Variants in POP1 observed in about 807,000 individuals in gnomAD.
POP1 encodes the protein POP1 ribonuclease P/MRP subunit.
A neutral mutation model predicts 102.2 loss-of-function variants in POP1; 75 were observed. That is an observed-to-expected ratio of 0.73 (90% CI 0.61 to 0.89). POP1 has a LOEUF of 0.89. Ranked by LOEUF, POP1 falls within the 40% of genes least tolerant of loss-of-function variation. The probability of loss-of-function intolerance (pLI) is 0.00; values close to 1 mark genes in which losing one functional copy is unlikely to be tolerated. For missense variants in POP1, 1,116 were observed against 1,267.4 expected (o/e 0.88, Z 1.81); for synonymous variants, 436 against 464.1 (o/e 0.94, Z 0.78).
At chr8:98,138,319 AC>A (rs56169443) in intron 9 of POP1, among the ~76,000 whole-genome samples, 107,831 of 152,062 alleles carry the variant, frequency 0.71, 38,567 homozygotes, top group African/African-American at 0.8. Flanking sequence ...ATTTCTCCTC[AC>A]CCTTCTACAC....
At position 98,146,622 on chromosome 8, in the gene POP1, A is replaced by G. The variant is rs759407096; in HGVS notation, c.1649A>G (p.His550Arg). 21 of 1,613,996 alleles carry G rather than the reference A, an allele frequency of 1.3e-5. No homozygotes were observed. Among genetic ancestry groups the G allele is most frequent in the Non-Finnish European group, 1.4e-5 (16 of 1,179,980 alleles). ...GAGGGTGTGCCTGTGGAATGTACGC[A>G]TAGCTTTATCTGGAACCAAGATATC... The part of the protein sequence containing the change: ...LLEGVPVECT[H>R]SFIWNQDICK... The change falls in exon 12 of 16, where the codon CAT (histidine) becomes CGT (arginine). Residue 550 changes from histidine to arginine, a missense_variant. Physicochemically the swap from His to Arg is conservative, Grantham distance 29 (BLOSUM62 0). Coordinates refer to ENST00000401707, the MANE Select transcript of POP1 (RefSeq NM_001145860.2).
At chr8:98,151,556 T>A (rs957130953) in intron 14 of POP1, among the ~76,000 whole-genome samples, 3 of 152,222 alleles carry the variant, frequency 2.0e-5, no homozygotes, top group African/African-American at 7.2e-5. Flanking sequence ...CTCTTTATTG[T>A]GGCATTTGCA....
At chr8:98,131,359 C>CT (rs981854823) in intron 5 of POP1, among the ~76,000 whole-genome samples, 4 of 152,182 alleles carry the variant, frequency 2.6e-5, no homozygotes, top group African/African-American at 7.2e-5. Context: ...CAATATTTGT[C>CT]TTTTTGTGAC....
chr8:98,159,325 A>C lies in POP1; in HGVS notation c.*1054A>C, dbSNP rs1335546897. On this transcript the variant is annotated 3_prime_UTR_variant, in exon 16 of 16. Transcript: ENST00000401707. ...CTGCAAGGTGATAACTAAGCCGGCA[A>C]GCTGCCTTTCAACACTCATGCAGTC... 1.3e-5 allele frequency: 2 copies of C among 152,230 alleles called. No homozygotes were observed. Among genetic ancestry groups the C allele is most frequent in the African/African-American group, 4.8e-5 (2 of 41,450 alleles). The allele number at this position is 152,230 out of a possible 1,614,324, so 9.4% of individuals were successfully genotyped here.
In POP1 at chr8:98,127,691, T is replaced by A. The variant is rs369676489; in HGVS notation, c.239T>A (p.Met80Lys). ...EVNEQSSSKG[M>K]FRKKGGWKAG... Reference sequence around the variant, plus strand: ...AATGAGCAGTCTTCCTCCAAAGGGATGTTTAGAAAAAAGGGAGGATGGAAA... The same window carrying A: ...AATGAGCAGTCTTCCTCCAAAGGGAAGTTTAGAAAAAAGGGAGGATGGAAA... The change falls in exon 3 of 16, where the codon ATG becomes AAG. Residue 80 changes from methionine to lysine, a missense_variant. Physicochemically the swap from Met to Lys is moderately conservative, Grantham distance 95. Coordinates refer to ENST00000401707, the MANE Select transcript of POP1 (RefSeq NM_001145860.2). The A allele has an allele frequency of 1.8e-5, 29 of 1,613,924 alleles. No individual in the cohort carries two copies. The highest frequency in any genetic ancestry group is 2.2e-5 in the East Asian group (1 of 44,896).
At chr8:98,128,124 A>G (rs1161873283) in intron 3 of POP1, among the ~76,000 whole-genome samples, 1 of 152,174 alleles carries the variant, frequency 6.6e-6, no homozygotes, top group Non-Finnish European at 1.5e-5. Flanking sequence ...ACCTTTATTT[A>G]AAGGGCCTGT....
At position 98,140,879 on chromosome 8, in the gene POP1, A is replaced by G; in HGVS notation, c.1585A>G (p.Lys529Glu). 1 of 1,614,016 alleles carries G rather than the reference A, an allele frequency of 6.2e-7. No homozygotes were observed. The highest frequency in any genetic ancestry group is 1.6e-4 in the Middle Eastern group (1 of 6,062). Residue 529 changes from lysine (K) to glutamate (E), a missense_variant, in exon 11 of 16, where the codon AAA becomes GAA. Lys to Glu is a moderately conservative substitution (Grantham distance 56). Transcript: ENST00000401707. ...GTCCAAAGCTTTGCCCAATCCAGAA[A>G]AATGCCAAGGTAAAGTTCCAAAAAC... is the stretch of plus-strand genomic sequence containing the variant. The part of the protein sequence containing the change: ...KKSKALPNPE[K>E]CQDNEKVRQL...
intron 4 of POP1, 98 bp from the exon 5 acceptor site, chr8:98,129,880 T>A: frequency 1.5e-6 from 2 of 1,370,082 alleles, no homozygotes; most frequent in Non-Finnish European, 1.0e-6. Flanking sequence ...CTATAAAATA[T>A]TCCACTTAAT....
Position 98,156,401 on chromosome 8 carries a change from C to G in POP1, c.2409C>G (p.Leu803=), listed in dbSNP as rs754651811. 3.1e-6 allele frequency: 5 copies of G among 1,613,572 alleles called. No homozygotes were observed. Among genetic ancestry groups the G allele is most frequent in the Middle Eastern group, 1.7e-4 (1 of 5,772 alleles). Residue 803 remains leucine, a synonymous_variant, in exon 15 of 16, where the codon CTC becomes CTG. Coordinates refer to ENST00000401707, the MANE Select transcript of POP1 (RefSeq NM_001145860.2). The part of the protein sequence containing the change: ...ENHVAATGSH[L]CVLRSRKLLK... The stretch of plus-strand genomic sequence containing the variant: ...ATGTTGCTGCCACAGGGAGTCACCT[C>G]TGCGTTCTCAGGTAAGTGTCGGTGA...
At chr8:98,134,946 T>C (rs2130599796) in intron 7 of POP1, among the ~76,000 whole-genome samples, 1 of 152,316 alleles carries the variant, frequency 6.6e-6, no homozygotes, top group African/African-American at 2.4e-5. Flanking sequence ...TCACCACCCA[T>C]GCTGTACATT....
intron 14 of POP1, among the ~76,000 whole-genome samples, chr8:98,152,421 T>C (rs1003895014): frequency 5.9e-5 from 9 of 152,168 alleles, no homozygotes; most frequent in African/African-American, 9.6e-5. Context: ...ATGATAAATA[T>C]TTTTGACTTT....
At chr8:98,135,275 C>T (rs1247751532) in intron 7 of POP1, among the ~76,000 whole-genome samples, 2 of 144,524 alleles carry the variant, frequency 1.4e-5, no homozygotes, top group South Asian at 2.2e-4. Context: ...GACCCTGTCT[C>T]GAAAAAAAAA....
At chr8:98,143,614 C>G (rs1190033394) in intron 11 of POP1, among the ~76,000 whole-genome samples, 1 of 152,140 alleles carries the variant, frequency 6.6e-6, no homozygotes, top group Non-Finnish European at 1.5e-5. Flanking sequence ...TATATATACT[C>G]TTACCGATTT....
intron 14 of POP1, among the ~76,000 whole-genome samples, chr8:98,151,766 A>G (rs1809517990): frequency 8.6e-6 from 1 of 116,126 alleles, no homozygotes; most frequent in South Asian, 2.7e-4. Flanking sequence ...TTTTTGAGGC[A>G]GGATCTCACT....
chr8:98,145,517 T>G (rs1044714970), intron 11 of POP1, among the ~76,000 whole-genome samples: 6 of 152,324 alleles, frequency 3.9e-5, no homozygotes, highest in Middle Eastern at 3.4e-3. Flanking sequence ...TTGTCACTGA[T>G]AAAGTTTGTT....
chr8:98,153,788 G>A (rs1192500307), intron 14 of POP1, among the ~76,000 whole-genome samples: 2 of 151,966 alleles, frequency 1.3e-5, no homozygotes, highest in East Asian at 3.9e-4. Context: ...TGCCTGTCTC[G>A]GCCTCCCAAA....
At chr8:98,132,056 A>G (rs1339175302) in intron 5 of POP1, among the ~76,000 whole-genome samples, 1 of 152,102 alleles carries the variant, frequency 6.6e-6, no homozygotes, top group East Asian at 1.9e-4. Flanking sequence ...TTTGGGCATA[A>G]TTTTTGCTGA....
At chr8:98,131,409 G>A (rs998071099) in intron 5 of POP1, among the ~76,000 whole-genome samples, 2 of 152,172 alleles carry the variant, frequency 1.3e-5, no homozygotes, top group African/African-American at 4.8e-5. Context: ...AAATTCATCC[G>A]TGTTGTAGCA....
Position 98,136,941 on chromosome 8 carries a change from C to T in POP1, c.1349C>T (p.Ala450Val), listed in dbSNP as rs1350913128. Residue 450 changes from alanine to valine, a missense_variant, in exon 9 of 16, where the codon GCT becomes GTT. Ala to Val is a moderately conservative substitution (Grantham distance 64). Coordinates refer to ENST00000401707, the MANE Select transcript of POP1 (RefSeq NM_001145860.2). ...ATCCTAACTGAAGCAATAAAAGCTGCTTCTGTCCACACTGTAAGAGTAAAA... is the reference window on the plus strand; with the variant it reads ...ATCCTAACTGAAGCAATAAAAGCTGTTTCTGTCCACACTGTAAGAGTAAAA... ...HSILTEAIKA[A>V]SVHTVGEDTE... 6.2e-7 allele frequency: 1 copy of T among 1,604,624 alleles called. No individual in the cohort carries two copies. Among genetic ancestry groups the T allele is most frequent in the Non-Finnish European group, 8.5e-7 (1 of 1,171,484 alleles).
Sources: allele counts gnomAD v4.1 joint callset (sites outside exome capture counted in the v4.1 genomes callset), GRCh38; gene constraint gnomAD v4.1.1; transcripts MANE v1.5; gene names NCBI Gene and HGNC (gene_info 2026-07-23, HGNC 2026-07-21).